ATXN1L: variants seen among roughly 807,000 people sequenced by gnomAD.
ATXN1L encodes the protein ataxin-1-like.
ATXN1L carries 8 observed loss-of-function variants against 43.4 expected under a neutral mutation model. That is an observed-to-expected ratio of 0.18 (90% confidence interval 0.11 to 0.33). ATXN1L has a LOEUF of 0.33. Among genes scored for constraint, ATXN1L ranks in the 10% least tolerant of loss-of-function variants. The probability of loss-of-function intolerance (pLI) is 1.00; values close to 1 mark genes in which losing one functional copy is unlikely to be tolerated. For missense variants in ATXN1L, 856 were observed against 885.4 expected, an observed-to-expected ratio of 0.97 and a Z score of 0.42; for synonymous variants, 379 against 360.6, an observed-to-expected ratio of 1.05 and a Z score of -0.58.
At chr16:71,849,216 TAAAAAAAAAAA>T (rs71153674) in intron 2 of ATXN1L, among the ~76,000 whole-genome samples, 18 of 71,234 alleles carry the variant, frequency 2.5e-4, no homozygotes, top group Non-Finnish European at 3.5e-4. Flanking sequence ...CCATGTGTTT[TAAAAAAAAAAA>T]AAAAAAAAAA....
In ATXN1L at chr16:71,854,981, G is replaced by A. The variant is rs1258400125; in HGVS notation, c.*3171G>A. The A allele has an allele frequency of 6.0e-6, 1 of 167,146 alleles. No individual in the cohort carries two copies. Among genetic ancestry groups the A allele is most frequent in the East Asian group, 1.9e-4 (1 of 5,200 alleles). The allele number at this position is 167,146 out of a possible 1,614,324, so 10.4% of individuals were successfully genotyped here. A position where few individuals can be genotyped will look rare whatever the true frequency, so the allele number is the denominator to read the frequency against. On this transcript the variant is annotated 3_prime_UTR_variant, in exon 3 of 3. Transcript: ENST00000427980. Reference sequence around the variant, plus strand: ...GAGGGAGGGCCCCCAGCCAATCTGGGCTGGTCCTTCTATATTCTTGGTCCC... The same window carrying A: ...GAGGGAGGGCCCCCAGCCAATCTGGACTGGTCCTTCTATATTCTTGGTCCC...
chr16:71,851,801 G>T lies in ATXN1L; in HGVS notation c.2061G>T (p.Ala687=). Residue 687 remains alanine, a synonymous_variant, in exon 3 of 3, where the codon GCG becomes GCT. Coordinates refer to ENST00000427980, the MANE Select transcript of ATXN1L (RefSeq NM_001137675.4). The surrounding 1 kb of genome is among the most constrained non-coding windows in gnomAD (Gnocchi z 4.9). ...VKLSIEGRSN[A]GK ...TGTCCATTGAAGGGCGTTCCAATGC[G>T]GGAAAATGAACCTCTTCCCCAGACC... 7.0e-7 allele frequency: 1 copy of T among 1,430,292 alleles called. No homozygotes were observed. The highest frequency in any genetic ancestry group is 1.4e-5 in the African/African-American group (1 of 69,618). The allele number at this position is 1,430,292 out of a possible 1,614,324, so 88.6% of individuals were successfully genotyped here. A position where few individuals can be genotyped will look rare whatever the true frequency, so the allele number is the denominator to read the frequency against.
Position 71,851,500 on chromosome 16 carries a change from G to A in ATXN1L, c.1760G>A (p.Ser587Asn). 1 of 1,551,644 alleles carries A rather than the reference G, an allele frequency of 6.4e-7. No individual in the cohort carries two copies. The highest frequency in any genetic ancestry group is 8.7e-7 in the Non-Finnish European group (1 of 1,146,980). ...TCTATCAGTTTACAGAGCTTGAACA[G>A]TAACTCAGTTTCTCAGGCCAGCTGT... ...CISISLQSLNSNSVSQASCAP... is the reference protein window; with the variant it reads ...CISISLQSLNNNSVSQASCAP... The change falls in exon 3 of 3, where the codon AGT becomes AAT. Residue 587 changes from serine to asparagine, a missense_variant. Ser to Asn is a conservative substitution (Grantham distance 46). Coordinates refer to ENST00000427980, the MANE Select transcript of ATXN1L (RefSeq NM_001137675.4). The surrounding 1 kb of genome is among the most constrained non-coding windows in gnomAD (Gnocchi z 4.9).
In ATXN1L at chr16:71,850,758, G is replaced by A. The variant is rs2033492508; in HGVS notation, c.1018G>A (p.Val340Met). The A allele has an allele frequency of 6.4e-7, 1 of 1,551,692 alleles. No homozygotes were observed. The highest frequency in any genetic ancestry group is 2.0e-5 in the Admixed American group (1 of 50,996). The change falls in exon 3 of 3, where the codon GTG (valine) becomes ATG (methionine). Residue 340 changes from valine (V) to methionine (M), a missense_variant. Around this residue, in one of 7 missense-constraint regions of ATXN1L, gnomAD observed 490 missense variants for 449.4 expected, o/e 1.09. Transcript: ENST00000427980. ...GGACACTGACCTTGAGGTCCAGCGG[G>A]TGGTTGGCGCTTTAGCTTCTCAGGA... is the stretch of plus-strand genomic sequence containing the variant. ...TPDTDLEVQR[V>M]VGALASQDYR...
Position 71,850,857 on chromosome 16 carries a change from C to G in ATXN1L, c.1117C>G (p.Gln373Glu). ...LNLSHHTPDH[Q>E]GEGRGSARNP... ...CCTATCCCATCATACCCCCGACCAT[C>G]AGGGTGAGGGGCGAGGGTCAGCCAG... Residue 373 changes from glutamine (Q) to glutamate (E), a missense_variant, in exon 3 of 3, where the codon CAG becomes GAG. Transcript: ENST00000427980. 14 of 1,551,728 alleles carry G rather than the reference C, an allele frequency of 9.0e-6. No homozygotes were observed. Among genetic ancestry groups the G allele is most frequent in the Non-Finnish European group, 1.2e-5 (14 of 1,147,006 alleles).
rs887195520 is a variant in ATXN1L, at chr16:71,855,395, AACC to A, written c.*3588_*3590del. On this transcript the variant is annotated 3_prime_UTR_variant, in exon 3 of 3. Transcript: ENST00000427980. ...CCTGTTTTAAAAACTAAATGAAGGG[AACC>A]ACATTAGGGCCCATGCCAGCATCCC... is the stretch of plus-strand genomic sequence containing the variant. The A allele has an allele frequency of 3.0e-5, 5 of 167,108 alleles. No individual in the cohort carries two copies. In the Admixed American group the frequency reaches 3.3e-4, roughly 11 times the overall value. 10.4% of individuals were successfully genotyped at this position (167,108 alleles called of 1,614,324 possible). A position where few individuals can be genotyped will look rare whatever the true frequency, so the allele number is the denominator to read the frequency against.
chr16:71,851,931 AAAGGGGAGGCATGAAGTCAGCCTCCC>A lies in ATXN1L; in HGVS notation c.*126_*151del. The A allele has an allele frequency of 8.5e-7, 1 of 1,179,748 alleles. No homozygotes were observed. Among genetic ancestry groups the A allele is most frequent in the East Asian group, 2.8e-5 (1 of 35,644 alleles). 73.1% of individuals were successfully genotyped at this position (1,179,748 alleles called of 1,614,324 possible). ...CTTTCTTGGCAGTGAGATTTGGGGGAAAGGGGAGGCATGAAGTCAGCCTCCCAAGGCAGGATCTGTTGTTCATTACC... is the reference window on the plus strand; with the variant it reads ...CTTTCTTGGCAGTGAGATTTGGGGGAAAGGCAGGATCTGTTGTTCATTACC... On this transcript the variant is annotated 3_prime_UTR_variant, in exon 3 of 3. Transcript: ENST00000427980. The surrounding 1 kb of genome is among the most constrained non-coding windows in gnomAD (Gnocchi z 4.9).
rs1035190387 is a variant in ATXN1L at position 71,851,266 on chromosome 16, C to T, written c.1526C>T (p.Thr509Met). 9.0e-5 allele frequency: 139 copies of T among 1,551,520 alleles called. No homozygotes were observed. Among genetic ancestry groups the T allele is most frequent in the Admixed American group, 1.4e-4 (7 of 50,982 alleles). Residue 509 changes from threonine to methionine, a missense_variant, in exon 3 of 3, where the codon ACG (threonine) becomes ATG (methionine). This residue lies in a region of ATXN1L where 54 missense variants were observed against 56.6 expected (regional missense o/e 0.95). Transcript: ENST00000427980. The surrounding 1 kb of genome is among the most constrained non-coding windows in gnomAD (Gnocchi z 4.9). ...VSGGLKIDSS[T>M]VVDIQESQWP... ...GGGGGGCTGAAGATTGACTCTAGCA[C>T]GGTCGTGGACATTCAGGAGAGCCAA...
chr16:71,851,620 C>T lies in ATXN1L; in HGVS notation c.1880C>T (p.Pro627Leu), dbSNP rs769516379. The T allele has an allele frequency of 5.2e-6, 8 of 1,538,916 alleles. No homozygotes were observed. The highest frequency in any genetic ancestry group is 1.4e-5 in the African/African-American group (1 of 72,818). Residue 627 changes from proline (P) to leucine (L), a missense_variant, in exon 3 of 3, where the codon CCG (proline) becomes CTG (leucine). By Grantham distance (98) the Pro-to-Leu change is moderately conservative. This residue lies in a region of ATXN1L where 185 missense variants were observed against 176.8 expected (regional missense o/e 1.05). Transcript: ENST00000427980. This position sits in a 1 kb window ranked among gnomAD's most constrained non-coding sequence, Gnocchi z 4.9. ...ELCDSEGKSQPAGEGSRVVEP... is the reference protein window; with the variant it reads ...ELCDSEGKSQLAGEGSRVVEP... ...TGTGACAGTGAGGGGAAGAGCCAGC[C>T]GGCAGGAGAGGGCTCCCGTGTGGTA... is the stretch of plus-strand genomic sequence containing the variant.
Position 71,851,231 on chromosome 16 carries a change from C to G in ATXN1L, c.1491C>G (p.Ala497=), listed in dbSNP as rs113555078. The G allele has an allele frequency of 1.9e-6, 3 of 1,551,488 alleles. No homozygotes were observed. In the African/African-American group the frequency reaches 4.1e-5, roughly 21 times the overall value. The change falls in exon 3 of 3, where the codon GCC becomes GCG. Residue 497 remains alanine (A), a synonymous_variant. Coordinates refer to ENST00000427980, the MANE Select transcript of ATXN1L (RefSeq NM_001137675.4). This position sits in a 1 kb window ranked among gnomAD's most constrained non-coding sequence, Gnocchi z 4.9. ...DLQTQDFVRS[A]EVSGGLKIDS... is the part of the protein sequence containing the mutation. ...AGACCCAGGATTTTGTGCGCAGTGCCGAAGTGAGCGGGGGGCTGAAGATTG... is the reference window on the plus strand; with the variant it reads ...AGACCCAGGATTTTGTGCGCAGTGCGGAAGTGAGCGGGGGGCTGAAGATTG...
Position 71,853,405 on chromosome 16 carries a change from G to C in ATXN1L, c.*1595G>C, listed in dbSNP as rs2033524200. The C allele has an allele frequency of 6.0e-6, 1 of 166,998 alleles. No homozygotes were observed. The highest frequency in any genetic ancestry group is 2.1e-4 in the South Asian group (1 of 4,810). 10.3% of individuals were successfully genotyped at this position (166,998 alleles called of 1,614,324 possible). ...TTTGTTTGTTTTTTGGGGGTCTTTA[G>C]ACTCTTGAAGGCAACTCAGGGTATT... On this transcript the variant is annotated 3_prime_UTR_variant, in exon 3 of 3. Transcript: ENST00000427980.
At position 71,850,988 on chromosome 16, in the gene ATXN1L, C is replaced by G; in HGVS notation, c.1248C>G (p.Ala416=). The stretch of plus-strand genomic sequence containing the variant: ...CTTTACCCAAAGCAATGGTTGTAGC[C>G]AATGGCAACCTGGTGCCCACTGGAA... ...HRPLPKAMVV[A]NGNLVPTGTD... The change falls in exon 3 of 3, where the codon GCC becomes GCG. Residue 416 remains alanine, a synonymous_variant. Transcript: ENST00000427980. 6.4e-7 allele frequency: 1 copy of G among 1,551,684 alleles called. No homozygotes were observed. Among genetic ancestry groups the G allele is most frequent in the Non-Finnish European group, 8.7e-7 (1 of 1,146,986 alleles).
At chr16:71,847,484 T>TC (rs566295169) in intron 1 of ATXN1L, among the ~76,000 whole-genome samples, 1 of 151,718 alleles carries the variant, frequency 6.6e-6, no homozygotes, top group South Asian at 2.1e-4. Flanking sequence ...CTTGAGTGAC[T>TC]CCCCCCTGAC....
Position 71,851,447 on chromosome 16 carries a change from T to C in ATXN1L, c.1707T>C (p.His569=), listed in dbSNP as rs1252696019. 8.4e-6 allele frequency: 13 copies of C among 1,551,512 alleles called. No individual in the cohort carries two copies. The highest frequency in any genetic ancestry group is 1.1e-5 in the Non-Finnish European group (13 of 1,146,944). ...CACAACTCTTCTCTCTGCCCTGCCA[T>C]CGGCTACAGGTGGGAGATGTCTGCA... The part of the protein sequence containing the change: ...RTTQLFSLPC[H]RLQVGDVCIS... Residue 569 remains histidine, a synonymous_variant, in exon 3 of 3, where the codon CAT becomes CAC. Transcript: ENST00000427980. This position sits in a 1 kb window ranked among gnomAD's most constrained non-coding sequence, Gnocchi z 4.9.
In ATXN1L at chr16:71,852,408, C is replaced by G. The variant is rs932352184; in HGVS notation, c.*598C>G. The stretch of plus-strand genomic sequence containing the variant: ...CTCATCTGCAGGACTCTGCTTGATC[C>G]TCTGCTTCATAGCCCTTCCCCATCT... On this transcript the variant is annotated 3_prime_UTR_variant, in exon 3 of 3. Coordinates refer to ENST00000427980, the MANE Select transcript of ATXN1L (RefSeq NM_001137675.4). 6.0e-6 allele frequency: 1 copy of G among 167,262 alleles called. No homozygotes were observed. The highest frequency in any genetic ancestry group is 6.5e-5 in the Admixed American group (1 of 15,280). 10.4% of individuals were successfully genotyped at this position (167,262 alleles called of 1,614,324 possible).
intron 1 of ATXN1L, 147 bp downstream of exon 1, chr16:71,846,251 C>T (rs1381906383): frequency 6.5e-6 from 1 of 153,512 alleles, no homozygotes; most frequent in East Asian, 1.9e-4. Context: ...GCACCTAGAC[C>T]CCCTCGCGCT....
At chr16:71,848,653 A>C (rs559671063) in intron 2 of ATXN1L, among the ~76,000 whole-genome samples, 8 of 151,012 alleles carry the variant, frequency 5.3e-5, no homozygotes, top group Non-Finnish European at 1.2e-4. Context: ...TGGGTCAAAG[A>C]TGTTAATTTT....
At position 71,851,831 on chromosome 16, in the gene ATXN1L, C is replaced by T. The variant is rs1419762339; in HGVS notation, c.*21C>T. On this transcript the variant is annotated 3_prime_UTR_variant, in exon 3 of 3. Coordinates refer to ENST00000427980, the MANE Select transcript of ATXN1L (RefSeq NM_001137675.4). This position sits in a 1 kb window ranked among gnomAD's most constrained non-coding sequence, Gnocchi z 4.9. ...AATGAACCTCTTCCCCAGACCAGGA[C>T]TGGGGCTTTACCCCAGAGCCTCGCC... The T allele has an allele frequency of 7.1e-7, 1 of 1,412,956 alleles. No individual in the cohort carries two copies. Among genetic ancestry groups the T allele is most frequent in the Non-Finnish European group, 9.3e-7 (1 of 1,078,176 alleles). 87.5% of individuals were successfully genotyped at this position (1,412,956 alleles called of 1,614,324 possible). A position where few individuals can be genotyped will look rare whatever the true frequency, so the allele number is the denominator to read the frequency against.
Position 71,850,307 on chromosome 16 carries a change from A to T in ATXN1L, c.567A>T (p.Pro189=). 6.4e-7 allele frequency: 1 copy of T among 1,551,330 alleles called. No homozygotes were observed. Among genetic ancestry groups the T allele is most frequent in the East Asian group, 2.4e-5 (1 of 40,908 alleles). The change falls in exon 3 of 3, where the codon CCA becomes CCT. Residue 189 remains proline, a synonymous_variant. Transcript: ENST00000427980. The part of the protein sequence containing the change: ...SLLAEGATPP[P]QAPSPAHSFN... ...TGGCTGAAGGAGCCACTCCTCCCCCACAGGCTCCCTCCCCGGCCCACTCAT... is the reference window on the plus strand; with the variant it reads ...TGGCTGAAGGAGCCACTCCTCCCCCTCAGGCTCCCTCCCCGGCCCACTCAT...
Sources: gnomAD v4.1 joint callset for allele counts (sites outside exome capture counted in the v4.1 genomes callset) on GRCh38, gnomAD v4.1.1 for gene constraint, gnomAD v4.1.1 regional missense constraint, Gnocchi (gnomAD v3.1) non-coding constraint, MANE v1.5 for transcripts, NCBI Gene and HGNC (gene_info 2026-07-23, HGNC 2026-07-21) for gene names.